The following MIOS variants were observed in gnomAD, a reference collection of about 807,000 sequenced individuals.
The protein encoded by MIOS is GATOR2 complex protein MIOS.
A neutral mutation model predicts 96.9 loss-of-function variants in MIOS; 52 were observed. The observed-to-expected ratio is 0.54, with a 90% CI of 0.43 to 0.68. The LOEUF is 0.68. MIOS is among the 30% of genes least tolerant of loss of function. The pLI, the probability that MIOS is intolerant of heterozygous loss-of-function variation, is 0.00. For synonymous variants in MIOS, 397 were observed against 359.5 expected (o/e 1.10, Z -1.18); for missense variants, 1,005 against 1,052.8 (o/e 0.95, Z 0.63).
intron 9 of MIOS, among the ~76,000 whole-genome samples, chr7:7,593,554 G>A (rs1784108957): frequency 6.6e-6 from 1 of 151,908 alleles, no homozygotes; most frequent in African/African-American, 2.4e-5. Flanking sequence ...TCTCCATTAT[G>A]TAAAGTTAAG....
chr7:7,591,234 T>C (rs1414072326), intron 9 of MIOS, among the ~76,000 whole-genome samples: 1 of 152,032 alleles, frequency 6.6e-6, no homozygotes, highest in Non-Finnish European at 1.5e-5. Context: ...CTCTGTTGTT[T>C]CTGATGAGAA....
At chr7:7,588,367 A>G in intron 7 of MIOS, 131 bp from the exon 8 acceptor site, 1 of 453,652 alleles carries the variant, frequency 2.2e-6, no homozygotes, top group Non-Finnish European at 3.8e-6. Context: ...TGGCTCTGCA[A>G]GATAAATATA....
At position 7,607,072 on chromosome 7, in the gene MIOS, G is replaced by T. The variant is rs1336793565; in HGVS notation, c.2608G>T (p.Ala870Ser). 2 of 1,612,050 alleles carry T rather than the reference G, an allele frequency of 1.2e-6. No homozygotes were observed. The highest frequency in any genetic ancestry group is 3.4e-5 in the Admixed American group (2 of 59,596). The change falls in exon 13 of 13, where the codon GCA (alanine) becomes TCA (serine). Residue 870 changes from alanine to serine, a missense_variant. Physicochemically the swap from Ala to Ser is moderately conservative, Grantham distance 99. Transcript: ENST00000340080. ...GGATACAACAGGGAATCTGGTACCTGCAGAGACTGTCCAGCCATAAAATGT... is the reference window on the plus strand; with the variant it reads ...GGATACAACAGGGAATCTGGTACCTTCAGAGACTGTCCAGCCATAAAATGT... ...QLDTTGNLVP[A>S]ETVQP is the part of the protein sequence containing the mutation.
At chr7:7,604,404 T>C (rs573102773) in intron 11 of MIOS, among the ~76,000 whole-genome samples, 1 of 152,302 alleles carries the variant, frequency 6.6e-6, no homozygotes, top group African/African-American at 2.4e-5. Flanking sequence ...TAGAAATCTG[T>C]TGAAACAGTT....
At chr7:7,569,600 G>A (rs1783279542) in intron 3 of MIOS, among the ~76,000 whole-genome samples, 1 of 152,214 alleles carries the variant, frequency 6.6e-6, no homozygotes. Context: ...TAAGTGCCTA[G>A]CACTGTACTG....
intron 9 of MIOS, among the ~76,000 whole-genome samples, chr7:7,591,862 C>T (rs1249875661): frequency 5.3e-5 from 8 of 152,168 alleles, no homozygotes; most frequent in South Asian, 4.1e-4. Flanking sequence ...CAATCTTATT[C>T]GGTTTTTCTT....
chr7:7,603,419 C>T (rs1784435621), intron 11 of MIOS, among the ~76,000 whole-genome samples: 1 of 152,194 alleles, frequency 6.6e-6, no homozygotes, highest in South Asian at 2.1e-4. Context: ...ACAGACACTT[C>T]TCAAAAGAAG....
rs975619911 is a variant in MIOS at position 7,567,089 on chromosome 7, C to T, written c.-221+17C>T. On this transcript the variant is annotated intron_variant, in intron 1 of 12. Transcript: ENST00000340080. ...CCACCTCAGGTCAGTGAGCGCGACC[C>T]GGTTCGCGTCTCGACTCTCGGGAGC... 1 of 151,954 alleles carries T rather than the reference C, an allele frequency of 6.6e-6. No homozygotes were observed. The highest frequency in any genetic ancestry group is 2.4e-5 in the African/African-American group (1 of 41,412). The allele number at this position is 151,954 out of a possible 1,614,324, so 9.4% of individuals were successfully genotyped here.
chr7:7,574,658 C>T (rs1269853593), intron 5 of MIOS, among the ~76,000 whole-genome samples: 4 of 151,888 alleles, frequency 2.6e-5, no homozygotes, highest in South Asian at 2.1e-4. Flanking sequence ...TATGGCCTAA[C>T]GTGGAGGAAT....
chr7:7,596,708 A>C (rs1784213242), intron 11 of MIOS, among the ~76,000 whole-genome samples: 2 of 152,240 alleles, frequency 1.3e-5, no homozygotes, highest in African/African-American at 4.8e-5. Flanking sequence ...GAAAAACTTA[A>C]ATATGAAATA....
At chr7:7,595,332 G>T (rs538708991) in intron 10 of MIOS, among the ~76,000 whole-genome samples, 200 bp downstream of exon 10, 1 of 152,066 alleles carries the variant, frequency 6.6e-6, no homozygotes, top group African/African-American at 2.4e-5. Flanking sequence ...AGCTTTAGTC[G>T]CAGATAGAAC....
rs1163186494 is a variant in MIOS at position 7,606,985 on chromosome 7, T to G, written c.2532-11T>G. The G allele has an allele frequency of 6.3e-7, 1 of 1,595,942 alleles. No homozygotes were observed. Among genetic ancestry groups the G allele is most frequent in the Middle Eastern group, 1.7e-4 (1 of 6,006 alleles). On this transcript the variant is annotated splice_polypyrimidine_tract_variant and intron_variant, in intron 12 of 12. Transcript: ENST00000340080. ...TTGGATTTTTAACTGTTATTTGACC[T>G]ATTTTTTTAGGGACCATGCAGAGTG...
chr7:7,572,828 C>T lies in MIOS; in HGVS notation c.353C>T (p.Thr118Ile). The stretch of plus-strand genomic sequence containing the variant: ...CCAAAACATGCACGACAATGTAATA[C>T]CCTTGCCTGGAATCCACTGGATAGT... The part of the protein sequence containing the change: ...FVPKHARQCN[T>I]LAWNPLDSNW... Residue 118 changes from threonine (T) to isoleucine (I), a missense_variant, in exon 4 of 13, where the codon ACC (threonine) becomes ATC (isoleucine). Thr to Ile is a moderately conservative substitution (Grantham distance 89). Around this residue, in one of 3 missense-constraint regions of MIOS, gnomAD observed 137 missense variants for 148.6 expected, o/e 0.92. Coordinates refer to ENST00000340080, the MANE Select transcript of MIOS (RefSeq NM_019005.4). This position sits in a 1 kb window ranked among gnomAD's most constrained non-coding sequence, Gnocchi z 4.8. 2 of 1,614,088 alleles carry T rather than the reference C, an allele frequency of 1.2e-6. No homozygotes were observed. The highest frequency in any genetic ancestry group is 1.7e-6 in the Non-Finnish European group (2 of 1,179,994).
intron 12 of MIOS, among the ~76,000 whole-genome samples, chr7:7,606,340 G>A (rs1047150649): frequency 6.6e-6 from 1 of 152,118 alleles, no homozygotes; most frequent in Non-Finnish European, 1.5e-5. Context: ...TTTATTCGGG[G>A]AGAGGATATG....
chr7:7,591,389 C>CCCAAGGAACTGGA (rs1784045000), intron 9 of MIOS, among the ~76,000 whole-genome samples: 1 of 150,686 alleles, frequency 6.6e-6, no homozygotes, highest in African/African-American at 2.4e-5. Context: ...AAGCAATCCT[C>CCCAAGGAACTGGA]CCACCTCAGC....
chr7:7,569,762 G>C (rs563178881), intron 3 of MIOS, among the ~76,000 whole-genome samples: 16 of 152,298 alleles, frequency 1.1e-4, no homozygotes, highest in Non-Finnish European at 4.4e-5. Flanking sequence ...ACTAGGGAGG[G>C]GATGGAGGGT....
At chr7:7,585,043 T>A (rs186779619) in intron 6 of MIOS, among the ~76,000 whole-genome samples, 8 of 152,188 alleles carry the variant, frequency 5.3e-5, no homozygotes, top group Non-Finnish European at 1.0e-4. Flanking sequence ...TTGACACTTA[T>A]ATACATAAGT....
chr7:7,583,217 G>T lies in MIOS; in HGVS notation c.1493G>T (p.Gly498Val). 2 of 1,614,116 alleles carry T rather than the reference G, an allele frequency of 1.2e-6. No homozygotes were observed. Among genetic ancestry groups the T allele is most frequent in the Non-Finnish European group, 1.7e-6 (2 of 1,180,006 alleles). The part of the protein sequence containing the change: ...EERILALQLC[G>V]WIKKGTDVDV... Reference sequence around the variant, plus strand: ...AGAATCTTAGCTTTACAGCTTTGTGGGTGGATAAAGAAAGGAACGGATGTA... The same window carrying T: ...AGAATCTTAGCTTTACAGCTTTGTGTGTGGATAAAGAAAGGAACGGATGTA... Residue 498 changes from glycine to valine, a missense_variant, in exon 6 of 13, where the codon GGG (glycine) becomes GTG (valine). Gly to Val is a moderately radical substitution (Grantham distance 109, BLOSUM62 -3). Around this residue, in one of 3 missense-constraint regions of MIOS, gnomAD observed 865 missense variants for 887.9 expected, o/e 0.97. Transcript: ENST00000340080.
chr7:7,601,634 A>G (rs1453088841), intron 11 of MIOS, among the ~76,000 whole-genome samples: 1 of 152,228 alleles, frequency 6.6e-6, no homozygotes, highest in African/African-American at 2.4e-5. Context: ...GCCGAACTCT[A>G]CCAGAGGTAC....
Sources: allele counts gnomAD v4.1 joint callset (sites outside exome capture counted in the v4.1 genomes callset), GRCh38; gene constraint gnomAD v4.1.1; regional missense constraint gnomAD v4.1.1; non-coding constraint Gnocchi (gnomAD v3.1); transcripts MANE v1.5; gene names NCBI Gene and HGNC (gene_info 2026-07-23, HGNC 2026-07-21).